Variants in KLHL13 observed in about 807,000 individuals in gnomAD.
KLHL13 encodes the protein kelch-like protein 13.
Under a neutral mutation model 37.1 loss-of-function variants are expected in KLHL13, and 10 were observed. The observed-to-expected ratio is 0.27, with a 90% CI of 0.17 to 0.46. The LOEUF (loss-of-function observed/expected upper bound fraction) is 0.46, where lower values mean the gene tolerates loss of function less well. Ranked by LOEUF, KLHL13 falls within the 20% of genes least tolerant of loss-of-function variation. The pLI is 1.00. For synonymous variants in KLHL13, 163 were observed against 181.2 expected, an observed-to-expected ratio of 0.90 and a Z score of 0.81; for missense variants, 360 against 509.3, an observed-to-expected ratio of 0.71 and a Z score of 2.82.
At chrX:118,018,710 T>G (rs1322056515) in intron 1 of KLHL13, among the ~76,000 whole-genome samples, 2 of 111,747 alleles carry the variant, frequency 1.8e-5, no homozygotes, top group African/African-American at 6.5e-5. Context: ...TTTTAAATAT[T>G]CATAATATAA....
chrX:118,031,545 T>G (rs1055952692), intron 1 of KLHL13, among the ~76,000 whole-genome samples: 3 of 80,486 alleles, frequency 3.7e-5, no homozygotes, highest in Non-Finnish European at 7.0e-5. Flanking sequence ...ATATATTAGT[T>G]ATATATATAT....
At chrX:118,048,667 A>AC (rs2054584546) in intron 1 of KLHL13, among the ~76,000 whole-genome samples, 1 of 112,027 alleles carries the variant, frequency 8.9e-6, no homozygotes, top group African/African-American at 3.2e-5. Context: ...ACGGGATATG[A>AC]CATAGAAAGG....
intron 1 of KLHL13, among the ~76,000 whole-genome samples, chrX:118,106,857 C>T (rs1030491703): frequency 2.7e-5 from 3 of 112,220 alleles, no homozygotes; most frequent in African/African-American, 9.7e-5. Flanking sequence ...ATCAAAGGTA[C>T]TATCAAACTT....
intron 1 of KLHL13, among the ~76,000 whole-genome samples, chrX:118,065,680 T>C (rs1406046429): frequency 9.0e-6 from 1 of 111,471 alleles, no homozygotes; most frequent in Non-Finnish European, 1.9e-5. Context: ...GAAGCAAGAA[T>C]AGCTTCCAAA....
intron 1 of KLHL13, among the ~76,000 whole-genome samples, chrX:118,086,295 G>A (rs995438339): frequency 4.5e-5 from 5 of 111,166 alleles, no homozygotes; most frequent in Admixed American, 9.6e-5. Flanking sequence ...TAGTGGGACT[G>A]ATAGACTGAA....
At chrX:117,932,134 AATT>A (rs1381088633) in intron 2 of KLHL13, among the ~76,000 whole-genome samples, 1 of 111,409 alleles carries the variant, frequency 9.0e-6, no homozygotes, top group Non-Finnish European at 1.9e-5. Context: ...AAATCAGGGT[AATT>A]ATTATATCCA....
chrX:117,917,431 A>C (rs1165360459), intron 4 of KLHL13, among the ~76,000 whole-genome samples: 1 of 111,386 alleles, frequency 9.0e-6, no homozygotes, highest in Non-Finnish European at 1.9e-5. Flanking sequence ...AAAAATGAAC[A>C]TGATATTTAA....
At chrX:118,049,331 C>A (rs991596328) in intron 1 of KLHL13, among the ~76,000 whole-genome samples, 1 of 112,034 alleles carries the variant, frequency 8.9e-6, no homozygotes. Context: ...AAAAACTGCA[C>A]ATAATTGCAC....
intron 1 of KLHL13, among the ~76,000 whole-genome samples, chrX:118,001,502 A>T (rs2053919980): frequency 8.9e-6 from 1 of 111,817 alleles, no homozygotes; most frequent in South Asian, 3.7e-4. Flanking sequence ...GAACTAATGC[A>T]ATTGAATGAA....
At position 118,089,635 on chromosome X, in the gene KLHL13, A is replaced by AAAG. The variant is rs1289232378; in HGVS notation, c.-56+26870_-56+26872dup. On this transcript the variant is annotated intron_variant, in intron 1 of 6. Coordinates refer to the KLHL13 transcript ENST00000371882. ...GAGAAAGAAAGAGAAAGAAAGAAAG[A>AAAG]AAGAAAGAAAGAAAGAAAGAAAGAA... Among the ~76,000 whole-genome samples the AAAG allele has an allele frequency of 1.6e-3, 168 of 104,345 alleles. 2 individuals carry two copies. The highest frequency in any genetic ancestry group is 5.7e-3 in the African/African-American group (162 of 28,367). The allele number at this position is 104,345 out of a possible 115,157, so 90.6% of individuals were successfully genotyped here.
intron 1 of KLHL13, among the ~76,000 whole-genome samples, chrX:117,981,383 A>G (rs1287920486): frequency 8.9e-6 from 1 of 112,359 alleles, no homozygotes; most frequent in Admixed American, 9.4e-5. Context: ...AACAGAATTC[A>G]TCTTCTAGGT....
intron 1 of KLHL13, among the ~76,000 whole-genome samples, chrX:117,985,639 T>A (rs2053716243): frequency 9.1e-6 from 1 of 110,032 alleles, no homozygotes; most frequent in Non-Finnish European, 1.9e-5. Flanking sequence ...AAAGGTGGAG[T>A]GAGACAAATA....
At chrX:118,032,022 C>T (rs912812220) in intron 1 of KLHL13, among the ~76,000 whole-genome samples, 4 of 111,443 alleles carry the variant, frequency 3.6e-5, no homozygotes, top group Admixed American at 9.5e-5. Flanking sequence ...CCGAATACTG[C>T]GCTTTTCCGA....
chrX:117,968,159 T>C (rs913475473), intron 1 of KLHL13, among the ~76,000 whole-genome samples: 4 of 101,613 alleles, frequency 3.9e-5, no homozygotes, highest in African/African-American at 1.4e-4. Flanking sequence ...GTGTATGTAA[T>C]AGAATTTTTT....
chrX:118,068,749 C>T (rs898810489), intron 1 of KLHL13, among the ~76,000 whole-genome samples: 16 of 111,325 alleles, frequency 1.4e-4, no homozygotes, highest in South Asian at 3.9e-4. Context: ...GTATGTCTTG[C>T]CCCAGGATGA....
exon 1 of KLHL13, chrX:117,973,392 C>A (rs760978189): frequency 1.5e-4 from 141 of 969,674 alleles, no homozygotes; most frequent in Non-Finnish European, 1.8e-4. Context: ...CTCAGCATAG[C>A]CTTAGGCTAC....
At chrX:118,013,015 G>T (rs778984455) in intron 1 of KLHL13, among the ~76,000 whole-genome samples, 2 of 111,937 alleles carry the variant, frequency 1.8e-5, no homozygotes, top group Non-Finnish European at 3.8e-5. Flanking sequence ...AGACAGAGGG[G>T]AAATGGTTAA....
intron 1 of KLHL13, among the ~76,000 whole-genome samples, chrX:117,965,610 A>C (rs946947339): frequency 9.0e-6 from 1 of 111,316 alleles, no homozygotes; most frequent in Non-Finnish European, 1.9e-5. Context: ...GAAAAAGAGA[A>C]TTTTAGACCA....
chrX:117,953,181 T>A (rs931269497), intron 1 of KLHL13, among the ~76,000 whole-genome samples: 3 of 110,158 alleles, frequency 2.7e-5, no homozygotes, highest in Non-Finnish European at 5.7e-5. Context: ...ATAGACTGGA[T>A]TAAGAAAATG....
Sources: gnomAD v4.1 joint callset for allele counts (sites outside exome capture counted in the v4.1 genomes callset) on GRCh38, gnomAD v4.1.1 for gene constraint, MANE v1.5 for transcripts, NCBI Gene and HGNC (gene_info 2026-07-23, HGNC 2026-07-21) for gene names.